Variants in CFAP97 observed in about 807,000 individuals in gnomAD.
CFAP97 encodes the protein cilia and flagella associated protein 97, also known as cilia- and flagella-associated protein 97.
A neutral mutation model predicts 43.1 loss-of-function variants in CFAP97; 36 were observed. The observed-to-expected ratio is 0.84, with a 90% CI of 0.64 to 1.10. The LOEUF (loss-of-function observed/expected upper bound fraction) is 1.10. Ranked by LOEUF, CFAP97 falls within the 50% of genes least tolerant of loss-of-function variation. The pLI is 0.00. For missense variants in CFAP97, 657 were observed against 620.3 expected (o/e 1.06, Z -0.63); for synonymous variants, 228 against 225.7 (o/e 1.01, Z -0.09).
At chr4:185,167,763 G>T (rs777975695) in intron 3 of CFAP97, among the ~76,000 whole-genome samples, 2 of 152,084 alleles carry the variant, frequency 1.3e-5, no homozygotes, top group Non-Finnish European at 2.9e-5. Flanking sequence ...GCGAGGCTGA[G>T]GCAGGCAGAT....
intron 2 of CFAP97, among the ~76,000 whole-genome samples, chr4:185,185,579 G>A (rs1211427687): frequency 6.6e-6 from 1 of 150,834 alleles, no homozygotes; most frequent in Non-Finnish European, 1.5e-5. Context: ...GATGAGGCTG[G>A]TAGTGATATT....
At chr4:185,181,274 T>TAA (rs55683602) in intron 2 of CFAP97, among the ~76,000 whole-genome samples, 11 of 132,804 alleles carry the variant, frequency 8.3e-5, no homozygotes, top group Non-Finnish European at 9.5e-5. Flanking sequence ...AAAATAAAAA[T>TAA]AAAAAAAAAT....
upstream of CFAP97, among the ~76,000 whole-genome samples, chr4:185,205,175 G>T (rs1243979819): frequency 6.6e-6 from 1 of 152,206 alleles, no homozygotes; most frequent in African/African-American, 2.4e-5. Flanking sequence ...GACAGCATTG[G>T]CTGGGCGCAG....
At chr4:185,187,114 T>C (rs1010240707) in intron 2 of CFAP97, among the ~76,000 whole-genome samples, 52 of 152,206 alleles carry the variant, frequency 3.4e-4, no homozygotes, top group African/African-American at 1.1e-3. Context: ...AATTGGAGAT[T>C]TTACCCAGGG....
intron 2 of CFAP97, among the ~76,000 whole-genome samples, chr4:185,187,712 A>C (rs1293160948): frequency 1.3e-5 from 2 of 151,364 alleles, no homozygotes; most frequent in East Asian, 3.9e-4. Flanking sequence ...ATATCCATAC[A>C]ACGTACAGCA....
chr4:185,191,332 T>G, intron 1 of CFAP97, 120 bp from the exon 2 acceptor site: 1 of 700,036 alleles, frequency 1.4e-6, no homozygotes. Context: ...AAAGAAACAT[T>G]ATAAAAACAA....
chr4:185,185,831 G>T (rs1157475262), intron 2 of CFAP97, among the ~76,000 whole-genome samples: 6 of 151,682 alleles, frequency 4.0e-5, no homozygotes, highest in Admixed American at 6.6e-5. Flanking sequence ...GTAGAGACAG[G>T]GTTTCACCAT....
At chr4:185,198,737 C>T (rs1462255025) in intron 1 of CFAP97, among the ~76,000 whole-genome samples, 1 of 138,570 alleles carries the variant, frequency 7.2e-6, no homozygotes, top group African/African-American at 2.6e-5. Flanking sequence ...TGCAGTAAGC[C>T]GAGATCGCGT....
intron 1 of CFAP97, among the ~76,000 whole-genome samples, chr4:185,194,489 C>A (rs1228946079): frequency 6.6e-6 from 1 of 151,450 alleles, no homozygotes; most frequent in East Asian, 1.9e-4. Context: ...GACTCCATCT[C>A]AAAAAAAAGA....
upstream of CFAP97, among the ~76,000 whole-genome samples, chr4:185,208,723 C>CAAA (rs372433088): frequency 6.8e-6 from 1 of 146,250 alleles, no homozygotes; most frequent in Non-Finnish European, 1.5e-5. Flanking sequence ...GACTCCGTCT[C>CAAA]AAAAAAAAAG....
Position 185,162,444 on chromosome 4 carries a change from T to G in CFAP97, c.*354A>C. On this transcript the variant is annotated 3_prime_UTR_variant, in exon 5 of 5. Transcript: ENST00000458385. ...TCATGGTATAACACTTATAAAGAAA[T>G]GAAAATAACACAAATTGAAAACTAT... The G allele has an allele frequency of 4.4e-6, 1 of 225,418 alleles. No individual in the cohort carries two copies. The highest frequency in any genetic ancestry group is 8.5e-6 in the Non-Finnish European group (1 of 117,012). The allele number at this position is 225,418 out of a possible 1,614,324, so 14.0% of individuals were successfully genotyped here. A position where few individuals can be genotyped will look rare whatever the true frequency, so the allele number is the denominator to read the frequency against.
intron 1 of CFAP97, among the ~76,000 whole-genome samples, chr4:185,202,871 A>T (rs1326205987): frequency 3.3e-5 from 5 of 152,228 alleles, no homozygotes; most frequent in African/African-American, 1.2e-4. Flanking sequence ...AATCCCATCC[A>T]CTGAGCAATT....
At chr4:185,190,078 C>T in intron 2 of CFAP97, 65 bp downstream of exon 2, 1 of 1,262,784 alleles carries the variant, frequency 7.9e-7, no homozygotes, top group Middle Eastern at 2.0e-4. Flanking sequence ...AAATTCATAG[C>T]ATTTAATATT....
chr4:185,185,798 C>G (rs1345489405), intron 2 of CFAP97, among the ~76,000 whole-genome samples: 1 of 151,932 alleles, frequency 6.6e-6, no homozygotes, highest in Non-Finnish European at 1.5e-5. Context: ...CACCACCATG[C>G]CTAGCTAATT....
chr4:185,167,667 T>C (rs796806875), intron 3 of CFAP97, among the ~76,000 whole-genome samples: 18 of 152,198 alleles, frequency 1.2e-4, no homozygotes, highest in African/African-American at 4.1e-4. Context: ...ATAGAATGCA[T>C]CTAAAGTGCT....
rs531815785 is a variant in CFAP97 at position 185,184,665 on chromosome 4, G to A, written c.1054+5478C>T. 3.9e-5 allele frequency among the ~76,000 whole-genome samples: 6 copies of A among 152,268 alleles called. No homozygotes were observed. In the South Asian group the frequency reaches 6.2e-4, roughly 16 times the overall value. ...CACTCAATCAACCCTGAAGTCTAGC[G>A]TGTCTTTGGGTGACCTGTTATATGA... On this transcript the variant is annotated intron_variant, in intron 2 of 4. Coordinates refer to ENST00000458385, the MANE Select transcript of CFAP97 (RefSeq NM_020827.3).
At chr4:185,200,510 C>CA (rs1306269805) in intron 1 of CFAP97, among the ~76,000 whole-genome samples, 12 of 152,066 alleles carry the variant, frequency 7.9e-5, no homozygotes, top group African/African-American at 2.9e-4. Flanking sequence ...TGTGGTAGCA[C>CA]ATGTCTGTAA....
At chr4:185,176,727 C>T (rs1489176748) in intron 2 of CFAP97, among the ~76,000 whole-genome samples, 1 of 152,106 alleles carries the variant, frequency 6.6e-6, no homozygotes, top group African/African-American at 2.4e-5. Context: ...GGCACTAATA[C>T]AATACTTAAT....
rs754508068 is a variant in CFAP97 at position 185,191,077 on chromosome 4, T to C, written c.120A>G (p.Pro40=). The change falls in exon 2 of 5, where the codon CCA becomes CCG. Residue 40 remains proline, a synonymous_variant. Transcript: ENST00000458385. ...TTGTATCTTTATCTATTCTTTCCTT[T>C]GGGTCATCATTTTGCTTGTCAAAAA... The part of the protein sequence containing the change: ...NSVFDKQNDD[P]KERIDKDTKN... 1.2e-6 allele frequency: 2 copies of C among 1,613,362 alleles called. No individual in the cohort carries two copies. The highest frequency in any genetic ancestry group is 1.7e-6 in the Non-Finnish European group (2 of 1,179,764).
Sources: gnomAD v4.1 joint callset for allele counts (sites outside exome capture counted in the v4.1 genomes callset) on GRCh38, gnomAD v4.1.1 for gene constraint, MANE v1.5 for transcripts, NCBI Gene and HGNC (gene_info 2026-07-23, HGNC 2026-07-21) for gene names.